SLC25A21: variants seen among roughly 807,000 people sequenced by gnomAD.
SLC25A21 encodes the protein mitochondrial 2-oxodicarboxylate carrier.
Under a neutral mutation model 43.8 loss-of-function variants are expected in SLC25A21, and 47 were observed. That is an observed-to-expected ratio of 1.07 (90% CI 0.85 to 1.37). The LOEUF is 1.37. Ranked by LOEUF, SLC25A21 falls within the 40% of genes most tolerant of loss-of-function variation. SLC25A21 has a pLI of 0.00. For synonymous variants in SLC25A21, 131 were observed against 121.3 expected (o/e 1.08, Z -0.52); for missense variants, 352 against 350.2 (o/e 1.00, Z -0.04).
chr14:37,126,859 T>C (rs370823707), intron 1 of SLC25A21, among the ~76,000 whole-genome samples: 170 of 152,354 alleles, frequency 1.1e-3, no homozygotes, highest in Admixed American at 2.4e-3. Context: ...GTTCATTTTT[T>C]ATAGAGTTCT....
intron 1 of SLC25A21, among the ~76,000 whole-genome samples, chr14:37,160,241 A>T (rs2138947085): frequency 6.6e-6 from 1 of 152,374 alleles, no homozygotes; most frequent in East Asian, 1.9e-4. Context: ...AATGAAATCC[A>T]CATATCAAAG....
chr14:36,729,011 T>C (rs1452559582), intron 5 of SLC25A21, among the ~76,000 whole-genome samples: 2 of 152,328 alleles, frequency 1.3e-5, no homozygotes, highest in East Asian at 3.9e-4. Flanking sequence ...CATTGTAATA[T>C]CACAATTCTC....
At chr14:36,899,783 A>C (rs1366905278) in intron 1 of SLC25A21, among the ~76,000 whole-genome samples, 1 of 152,182 alleles carries the variant, frequency 6.6e-6, no homozygotes, top group African/African-American at 2.4e-5. Context: ...TTTATTCAGC[A>C]TTTATTTCAG....
intron 1 of SLC25A21, among the ~76,000 whole-genome samples, chr14:37,145,956 G>A (rs1195955485): frequency 1.3e-5 from 2 of 151,876 alleles, no homozygotes; most frequent in Non-Finnish European, 2.9e-5. Flanking sequence ...ACAGTACATC[G>A]TCTACAGCAT....
At chr14:37,172,096 A>G in intron 1 of SLC25A21, 185 bp downstream of exon 1, 1 of 606,900 alleles carries the variant, frequency 1.6e-6, no homozygotes. Flanking sequence ...GGCACCCACT[A>G]CTCGCAATCA....
chr14:37,167,921 G>A (rs1473771864), intron 1 of SLC25A21, among the ~76,000 whole-genome samples: 2 of 151,882 alleles, frequency 1.3e-5, no homozygotes, highest in African/African-American at 2.4e-5. Context: ...AATGCTTGGG[G>A]AGACTGATTT....
At position 36,679,852 on chromosome 14, in the gene SLC25A21, T is replaced by TTATC. The variant is rs754075369; in HGVS notation, c.*802_*805dup. 9.6e-4 allele frequency: 948 copies of TTATC among 984,102 alleles called. 3 individuals are homozygous for TTATC. Among genetic ancestry groups the TTATC allele is most frequent in the Non-Finnish European group, 1.1e-3 (921 of 828,734 alleles). 61.0% of individuals were successfully genotyped at this position (984,102 alleles called of 1,614,324 possible). On this transcript the variant is annotated 3_prime_UTR_variant, in exon 10 of 10. Coordinates refer to ENST00000331299, the MANE Select transcript of SLC25A21 (RefSeq NM_030631.4). ...CATGACAATATCTCATCAACAAAAC[T>TTATC]TATCTTCAAAGAGAACTATGTGGAG...
intron 7 of SLC25A21, among the ~76,000 whole-genome samples, chr14:36,704,469 C>A (rs1324377389): frequency 1.3e-5 from 2 of 151,862 alleles, no homozygotes; most frequent in Non-Finnish European, 2.9e-5. Flanking sequence ...CCAGCCTGAC[C>A]AACACGGTGA....
At chr14:36,866,113 G>A (rs755319133) in intron 2 of SLC25A21, among the ~76,000 whole-genome samples, 1 of 151,992 alleles carries the variant, frequency 6.6e-6, no homozygotes, top group Non-Finnish European at 1.5e-5. Flanking sequence ...ATGCTCTCCA[G>A]TTCTTTGAGG....
Position 37,144,734 on chromosome 14 carries a change from T to C in SLC25A21, c.70+27547A>G, listed in dbSNP as rs1963629907. Among the ~76,000 whole-genome samples, 4 of 152,308 alleles carry C rather than the reference T, an allele frequency of 2.6e-5. No homozygotes were observed. The South Asian group carries it at 8.3e-4, about 32-fold the overall frequency. On this transcript the variant is annotated intron_variant, in intron 1 of 9. Coordinates refer to ENST00000331299, the MANE Select transcript of SLC25A21 (RefSeq NM_030631.4). ...AAAGTAGAAAGAATTATAGTTAGCATATATGCATGTATTCATAAGATGTGT... is the reference window on the plus strand; with the variant it reads ...AAAGTAGAAAGAATTATAGTTAGCACATATGCATGTATTCATAAGATGTGT...
chr14:36,718,747 A>C (rs1314002412), intron 6 of SLC25A21, among the ~76,000 whole-genome samples: 1 of 152,272 alleles, frequency 6.6e-6, no homozygotes, highest in East Asian at 1.9e-4. Context: ...CCAAACCCTG[A>C]GCTAATTTTT....
At chr14:37,038,705 A>T (rs1428146113) in intron 1 of SLC25A21, among the ~76,000 whole-genome samples, 1 of 152,196 alleles carries the variant, frequency 6.6e-6, no homozygotes, top group Non-Finnish European at 1.5e-5. Flanking sequence ...GCTGCATTTA[A>T]TTCCAATTTT....
chr14:36,761,554 C>G (rs1886157600), intron 3 of SLC25A21, among the ~76,000 whole-genome samples: 2 of 152,202 alleles, frequency 1.3e-5, no homozygotes, highest in Admixed American at 1.3e-4. Context: ...GGATCATAGA[C>G]TACATTTTGT....
chr14:36,989,612 T>C (rs1960220098), intron 1 of SLC25A21, among the ~76,000 whole-genome samples: 1 of 152,096 alleles, frequency 6.6e-6, no homozygotes, highest in Admixed American at 6.5e-5. Context: ...TTTAAAGGTT[T>C]CCAGGAAAAA....
In SLC25A21 at chr14:37,040,327, GGGAA is replaced by G. The variant is rs1161001643; in HGVS notation, c.70+131950_70+131953del. On this transcript the variant is annotated intron_variant, in intron 1 of 9. Coordinates refer to ENST00000331299, the MANE Select transcript of SLC25A21 (RefSeq NM_030631.4). ...AGGAAGGAAAGGAAGAAAGGAAGAGGGGAAGGAAGGAAGGAAGGAAGGAAGGAAA... is the reference window on the plus strand; with the variant it reads ...AGGAAGGAAAGGAAGAAAGGAAGAGGGGAAGGAAGGAAGGAAGGAAGGAAA... Among the ~76,000 whole-genome samples, 56 of 55,570 alleles carry G rather than the reference GGGAA, an allele frequency of 1.0e-3. 8 individuals carry two copies. Among genetic ancestry groups the G allele is most frequent in the East Asian group, 6.3e-3 (12 of 1,908 alleles). The allele number at this position is 55,570 out of a possible 152,430, so 36.5% of individuals were successfully genotyped here. A position where few individuals can be genotyped will look rare whatever the true frequency, so the allele number is the denominator to read the frequency against.
At chr14:36,742,911 T>C (rs1196702185) in intron 3 of SLC25A21, among the ~76,000 whole-genome samples, 2 of 152,230 alleles carry the variant, frequency 1.3e-5, no homozygotes, top group East Asian at 3.8e-4. Context: ...CTTTCAAGTT[T>C]TCCTGAACAC....
intron 2 of SLC25A21, among the ~76,000 whole-genome samples, chr14:36,844,148 C>T (rs1338361719): frequency 6.6e-6 from 1 of 152,222 alleles, no homozygotes; most frequent in East Asian, 1.9e-4. Context: ...CGCTACAGTA[C>T]TAAAGTCAGC....
intron 1 of SLC25A21, among the ~76,000 whole-genome samples, chr14:36,903,617 A>G (rs1465101905): frequency 1.1e-5 from 1 of 89,594 alleles, no homozygotes; most frequent in Non-Finnish European, 2.6e-5. Context: ...CGTCTCAGAA[A>G]AAAAAAAAAA....
intron 1 of SLC25A21, among the ~76,000 whole-genome samples, chr14:37,021,025 G>A (rs1256886140): frequency 6.6e-6 from 1 of 151,916 alleles, no homozygotes; most frequent in Non-Finnish European, 1.5e-5. Context: ...TTTCTCTGTT[G>A]GCTAGTCTCA....
Sources: allele counts gnomAD v4.1 joint callset (sites outside exome capture counted in the v4.1 genomes callset), GRCh38; gene constraint gnomAD v4.1.1; transcripts MANE v1.5; gene names NCBI Gene and HGNC (gene_info 2026-07-23, HGNC 2026-07-21).